Variants in GLB1 observed in about 807,000 individuals in gnomAD.
GLB1 encodes galactosidase beta 1.
GLB1 carries 56 observed loss-of-function variants against 74.0 expected under a neutral mutation model. That is an observed-to-expected ratio of 0.76 (90% CI 0.61 to 0.94). GLB1 has a LOEUF of 0.94. Ranked by LOEUF, GLB1 falls within the 40% of genes least tolerant of loss-of-function variation. The pLI is 0.00. For missense variants in GLB1, 787 were observed against 845.5 expected (o/e 0.93, Z 0.86); for synonymous variants, 323 against 323.6 (o/e 1.00, Z 0.02).
At chr3:33,075,962 G>A (rs1018873924) in intron 1 of GLB1, among the ~76,000 whole-genome samples, 1 of 151,338 alleles carries the variant, frequency 6.6e-6, no homozygotes, top group Admixed American at 6.6e-5. Context: ...GGAGAATGGC[G>A]TGAACCTGGG....
chr3:32,969,155 G>A, the GLB1 span, among the ~76,000 whole-genome samples: 3 of 152,288 alleles, frequency 2.0e-5, no homozygotes, highest in East Asian at 5.8e-4. Flanking sequence ...AAGGGAGTCC[G>A]TCGTGCTGGG....
intron 2 of GLB1, among the ~76,000 whole-genome samples, chr3:33,069,567 T>C (rs1246625361): frequency 6.6e-6 from 1 of 152,170 alleles, no homozygotes; most frequent in Non-Finnish European, 1.5e-5. Context: ...GGGAAGAACT[T>C]TGAAGTTACA....
At chr3:32,998,168 G>A (rs1170276299) in intron 15 of GLB1, among the ~76,000 whole-genome samples, 2 of 152,186 alleles carry the variant, frequency 1.3e-5, no homozygotes, top group African/African-American at 4.8e-5. Flanking sequence ...AAAAAACAGG[G>A]ACCATGTTTA....
intron 15 of GLB1, among the ~76,000 whole-genome samples, chr3:33,002,526 G>C (rs1450566004): frequency 6.6e-6 from 1 of 152,048 alleles, no homozygotes; most frequent in Admixed American, 6.6e-5. Flanking sequence ...AAACTATCGG[G>C]GGGAGGTATG....
chr3:33,023,510 C>T lies in GLB1; in HGVS notation c.1143+741G>A, dbSNP rs77630772. ...CATTTTGCTTGAAGATAAAAACTTA[C>T]GATACTATTTTAGGATATCGAGATT... On this transcript the variant is annotated intron_variant, in intron 11 of 15. Transcript: ENST00000307363. Among the ~76,000 whole-genome samples, 1,133 of 151,270 alleles carry T rather than the reference C, an allele frequency of 7.5e-3. 17 individuals carry two copies. The highest frequency in any genetic ancestry group is 0.024 in the African/African-American group (1,003 of 41,280).
chr3:33,090,005 C>T (rs964904412), intron 1 of GLB1, among the ~76,000 whole-genome samples: 3 of 152,168 alleles, frequency 2.0e-5, no homozygotes, highest in African/African-American at 4.8e-5. Context: ...ACACAGTTAA[C>T]TGCATTTGAA....
intron 10 of GLB1, chr3:33,029,970 A>AG (rs1697939430): frequency 6.6e-6 from 1 of 151,902 alleles, no homozygotes; most frequent in East Asian, 1.9e-4. Flanking sequence ...AAAAAAAAAA[A>AG]AGAAAAGTAA....
At chr3:33,087,592 C>CAA (rs1326309461) in intron 1 of GLB1, among the ~76,000 whole-genome samples, 29 of 88,930 alleles carry the variant, frequency 3.3e-4, no homozygotes, top group African/African-American at 1.0e-3. Context: ...CACACACACA[C>CAA]ACACACACAC....
intron 5 of GLB1, chr3:33,061,822 A>G (rs2125538229): frequency 6.6e-6 from 1 of 152,348 alleles, no homozygotes; most frequent in East Asian, 1.9e-4. Flanking sequence ...AAACTGAGAT[A>G]AACATCCACA....
At chr3:33,096,604 C>T in intron 1 of GLB1, 1 of 1,054,384 alleles carries the variant, frequency 9.5e-7, no homozygotes, top group Non-Finnish European at 1.1e-6. Context: ...GAGCGCTCCG[C>T]AGAGCACCAA....
chr3:33,069,185 T>C (rs752210337), intron 2 of GLB1, among the ~76,000 whole-genome samples: 3 of 151,374 alleles, frequency 2.0e-5, no homozygotes, highest in African/African-American at 7.3e-5. Flanking sequence ...AGCCCAGGAG[T>C]TTGACACCAG....
At chr3:33,072,522 A>G (rs371797182) in intron 2 of GLB1, 22 bp downstream of exon 2, 7 of 1,612,370 alleles carry the variant, frequency 4.3e-6, no homozygotes, top group Non-Finnish European at 5.9e-6. Flanking sequence ...CCTAGGTGAG[A>G]GCCACATGCC....
chr3:32,977,709 C>T, the GLB1 span, among the ~76,000 whole-genome samples: 1 of 152,160 alleles, frequency 6.6e-6, no homozygotes, highest in Non-Finnish European at 1.5e-5. Flanking sequence ...GTCATGAAGG[C>T]TCCCTCAGTC....
At chr3:33,002,315 A>C (rs1696604104) in intron 15 of GLB1, among the ~76,000 whole-genome samples, 1 of 134,590 alleles carries the variant, frequency 7.4e-6, no homozygotes, top group Non-Finnish European at 1.6e-5. Flanking sequence ...ATGGAATTTA[A>C]AACAAAAGTC....
At chr3:33,096,915 GC>G in intron 1 of GLB1, 95 bp downstream of exon 1, 2 of 1,530,584 alleles carry the variant, frequency 1.3e-6, no homozygotes, top group Non-Finnish European at 1.8e-6. Flanking sequence ...CAGGCTCCCC[GC>G]CCTGCGGGAC....
At position 33,090,527 on chromosome 3, in the gene GLB1, T is replaced by A. The variant is rs1575496665; in HGVS notation, c.75+6484A>T. 6.1e-6 allele frequency: 6 copies of A among 985,380 alleles called. No individual in the cohort carries two copies. In the South Asian group the frequency reaches 2.3e-4, roughly 39 times the overall value. The allele number at this position is 985,380 out of a possible 1,614,324, so 61.0% of individuals were successfully genotyped here. ...AAAAAGCATTGCATTTCAATTTGCA[T>A]CTAACAGATTAAAAATAAAGAAACA... On this transcript the variant is annotated intron_variant, in intron 1 of 15. Transcript: ENST00000307363.
chr3:33,016,232 T>C (rs1364398298), intron 14 of GLB1, among the ~76,000 whole-genome samples: 1 of 152,174 alleles, frequency 6.6e-6, no homozygotes, highest in Non-Finnish European at 1.5e-5. Flanking sequence ...AAAAGCATGG[T>C]GGAGGGGCTT....
chr3:33,083,711 A>G, intron 1 of GLB1, among the ~76,000 whole-genome samples: 1 of 152,186 alleles, frequency 6.6e-6, no homozygotes, highest in East Asian at 1.9e-4. Context: ...CGCATCCAAT[A>G]CTGGAGAGAA....
At chr3:32,975,078 T>C in the GLB1 span, among the ~76,000 whole-genome samples, 1 of 152,060 alleles carries the variant, frequency 6.6e-6, no homozygotes, top group Non-Finnish European at 1.5e-5. Context: ...GCAAAGGGTG[T>C]CAACTCTTTA....
Sources: allele counts gnomAD v4.1 joint callset (sites outside exome capture counted in the v4.1 genomes callset), GRCh38; gene constraint gnomAD v4.1.1; transcripts MANE v1.5; gene names NCBI Gene and HGNC (gene_info 2026-07-23, HGNC 2026-07-21).